Variants in PARD3B observed in about 807,000 individuals in gnomAD.
PARD3B encodes partitioning defective 3 homolog B.
In PARD3B, 103 loss-of-function variants were observed where a neutral mutation model predicts 130.2. The ratio of observed to expected loss-of-function variants is 0.79; its 90% CI spans 0.67 to 0.93. PARD3B has a LOEUF of 0.93. PARD3B is among the 40% of genes least tolerant of loss of function. The pLI, the probability that PARD3B is intolerant of heterozygous loss-of-function variation, is 0.00. For missense variants in PARD3B, 1,609 were observed against 1,499.2 expected, an observed-to-expected ratio of 1.07 and a Z score of -1.21; for synonymous variants, 583 against 553.2, an observed-to-expected ratio of 1.05 and a Z score of -0.76.
In PARD3B at chr2:205,550,535, A is replaced by G. The variant is rs192043590; in HGVS notation, c.3181-2789A>G. Among the ~76,000 whole-genome samples the G allele has an allele frequency of 6.6e-6, 1 of 152,310 alleles. No individual in the cohort carries two copies. On this transcript the variant is annotated intron_variant, in intron 21 of 22. Coordinates refer to ENST00000406610, the MANE Select transcript of PARD3B (RefSeq NM_001302769.2). This position sits in a 1 kb window ranked among gnomAD's most constrained non-coding sequence, Gnocchi z 4.5. ...GACTGGCCCAAGTTCTGGTACTTCC[A>G]TGAAGTTTTTCCTGACACCTCCAGG...
chr2:204,572,709 C>T (rs1476065234), intron 1 of PARD3B, among the ~76,000 whole-genome samples: 1 of 152,086 alleles, frequency 6.6e-6, no homozygotes, highest in Non-Finnish European at 1.5e-5. Flanking sequence ...CTCTAGACAG[C>T]TGTGTAAATT....
rs1042981450 is a variant in PARD3B at position 205,371,781 on chromosome 2, T to C, written c.2631-29232T>C. Among the ~76,000 whole-genome samples, 5 of 152,294 alleles carry C rather than the reference T, an allele frequency of 3.3e-5. 1 individual carries two copies. Among genetic ancestry groups the C allele is most frequent in the Admixed American group, 2.0e-4 (3 of 15,304 alleles). ...GTAGAATCCAGTGGTTTTTAATATA[T>C]TCACAGAGTTGTACAATCATTATAA... On this transcript the variant is annotated intron_variant, in intron 18 of 22. Transcript: ENST00000406610.
intron 2 of PARD3B, among the ~76,000 whole-genome samples, chr2:204,854,052 C>A (rs1328894604): frequency 6.6e-6 from 1 of 151,970 alleles, no homozygotes; most frequent in Non-Finnish European, 1.5e-5. Flanking sequence ...GAGAGAGGAG[C>A]ATTTGCGAAG....
rs1005784729 is a variant in PARD3B, at chr2:205,091,567, C to T, written c.505-12859C>T. On this transcript the variant is annotated intron_variant, in intron 4 of 22. Transcript: ENST00000406610. This position sits in a 1 kb window ranked among gnomAD's most constrained non-coding sequence, Gnocchi z 4.2. ...CTATCACTATTTAAGGATGTGTCTG[C>T]GAAAACATTTATCATCATCTCAGTG... Among the ~76,000 whole-genome samples, 1 of 152,060 alleles carries T rather than the reference C, an allele frequency of 6.6e-6. No homozygotes were observed. Among genetic ancestry groups the T allele is most frequent in the Non-Finnish European group, 1.5e-5 (1 of 68,018 alleles).
chr2:204,881,477 G>T (rs1335222917), intron 2 of PARD3B, among the ~76,000 whole-genome samples: 2 of 152,084 alleles, frequency 1.3e-5, no homozygotes, highest in East Asian at 3.9e-4. Context: ...CAATGAGGGA[G>T]AGTTAAGCTT....
At position 205,063,421 on chromosome 2, in the gene PARD3B, A is replaced by G. The variant is rs927300600; in HGVS notation, c.504+15731A>G. ...TGTTTGATAAATTAATGAACTAGAA[A>G]TTAGTCTTTGCAAGGACCAAAGGAT... On this transcript the variant is annotated intron_variant, in intron 4 of 22. Coordinates refer to ENST00000406610, the MANE Select transcript of PARD3B (RefSeq NM_001302769.2). 2.0e-5 allele frequency among the ~76,000 whole-genome samples: 3 copies of G among 152,240 alleles called. No homozygotes were observed. In the South Asian group the frequency reaches 6.2e-4, roughly 32 times the overall value.
At chr2:204,927,732 C>G (rs1014842444) in intron 2 of PARD3B, among the ~76,000 whole-genome samples, 2 of 151,960 alleles carry the variant, frequency 1.3e-5, no homozygotes, top group African/African-American at 4.8e-5. Context: ...TTTCTGTAGC[C>G]CATTACTTGT....
chr2:204,739,277 T>C (rs1417512649), intron 2 of PARD3B, among the ~76,000 whole-genome samples: 5 of 152,166 alleles, frequency 3.3e-5, no homozygotes, highest in African/African-American at 9.7e-5. Flanking sequence ...TATCTATGTA[T>C]TGAAATGTGT....
chr2:205,304,103 A>G (rs2042105960), intron 18 of PARD3B, among the ~76,000 whole-genome samples: 1 of 152,206 alleles, frequency 6.6e-6, no homozygotes, highest in South Asian at 2.1e-4. Flanking sequence ...TAGAAAAGAA[A>G]GTTCCATCAT....
chr2:204,870,157 AAT>A (rs1464882799), intron 2 of PARD3B, among the ~76,000 whole-genome samples: 2 of 152,164 alleles, frequency 1.3e-5, no homozygotes, highest in Admixed American at 1.3e-4. Context: ...CAAGGCCCCC[AAT>A]ATAAGCATTT....
chr2:205,577,424 C>G lies in PARD3B; in HGVS notation c.3260+24021C>G, dbSNP rs373099332. Among the ~76,000 whole-genome samples the G allele has an allele frequency of 4.2e-4, 64 of 152,222 alleles. 1 individual carries two copies. The highest frequency in any genetic ancestry group is 3.4e-3 in the Middle Eastern group (1 of 294). On this transcript the variant is annotated intron_variant, in intron 22 of 22. Coordinates refer to ENST00000406610, the MANE Select transcript of PARD3B (RefSeq NM_001302769.2). ...GCAAGTGCTTGAGGAAAATATTTTCCTTCATTTTTTAACCTTAAAAGTGTG... is the reference window on the plus strand; with the variant it reads ...GCAAGTGCTTGAGGAAAATATTTTCGTTCATTTTTTAACCTTAAAAGTGTG...
chr2:204,954,498 A>G (rs1048351337), intron 2 of PARD3B, among the ~76,000 whole-genome samples: 12 of 152,232 alleles, frequency 7.9e-5, no homozygotes, highest in African/African-American at 2.7e-4. Flanking sequence ...CTAAAGAGTC[A>G]GTTCCCTAAC....
At chr2:204,634,236 A>G (rs1299853779) in intron 1 of PARD3B, among the ~76,000 whole-genome samples, 2 of 152,218 alleles carry the variant, frequency 1.3e-5, no homozygotes, top group African/African-American at 2.4e-5. Flanking sequence ...AAGTGAGAAC[A>G]TGCGATGTTG....
At chr2:205,085,956 G>T (rs1701717346) in intron 4 of PARD3B, among the ~76,000 whole-genome samples, 1 of 152,138 alleles carries the variant, frequency 6.6e-6, no homozygotes, top group Non-Finnish European at 1.5e-5. Context: ...AATGTGCTCA[G>T]AATTGTTCAT....
At chr2:205,368,399 G>A (rs754342721) in intron 18 of PARD3B, among the ~76,000 whole-genome samples, 11 of 152,102 alleles carry the variant, frequency 7.2e-5, no homozygotes, top group Non-Finnish European at 1.2e-4. Flanking sequence ...TTGGGAGGCC[G>A]AGGCAGGTGG....
chr2:205,080,997 T>C lies in PARD3B; in HGVS notation c.505-23429T>C, dbSNP rs535085436. Among the ~76,000 whole-genome samples the C allele has an allele frequency of 6.7e-4, 102 of 152,198 alleles. 2 individuals carry two copies. The South Asian group carries it at 0.017, about 26-fold the overall frequency. On this transcript the variant is annotated intron_variant, in intron 4 of 22. Coordinates refer to ENST00000406610, the MANE Select transcript of PARD3B (RefSeq NM_001302769.2). ...CCATCTCCCTCCTCTCTCTCATCAC[T>C]GTGTAGATTTTCTTTATATATTCTC... is the stretch of plus-strand genomic sequence containing the variant.
At chr2:205,362,207 A>G (rs1281393739) in intron 18 of PARD3B, among the ~76,000 whole-genome samples, 1 of 152,204 alleles carries the variant, frequency 6.6e-6, no homozygotes, top group African/African-American at 2.4e-5. Context: ...GACTTGACAT[A>G]CAAAATTGAG....
chr2:204,567,227 A>G (rs13030339), intron 1 of PARD3B, among the ~76,000 whole-genome samples: 1 of 152,188 alleles, frequency 6.6e-6, no homozygotes, highest in Non-Finnish European at 1.5e-5. Flanking sequence ...TAAAACGTAC[A>G]TAACATAAAA....
intron 15 of PARD3B, among the ~76,000 whole-genome samples, chr2:205,238,904 A>G (rs1159607978): frequency 2.4e-5 from 3 of 127,154 alleles, no homozygotes; most frequent in East Asian, 2.8e-4. Flanking sequence ...ATATATATAT[A>G]TATATGTATG....
Sources: allele counts gnomAD v4.1 joint callset (sites outside exome capture counted in the v4.1 genomes callset), GRCh38; gene constraint gnomAD v4.1.1; non-coding constraint Gnocchi (gnomAD v3.1); transcripts MANE v1.5; gene names NCBI Gene and HGNC (gene_info 2026-07-23, HGNC 2026-07-21).